The following MAP3K4 variants were observed in gnomAD, a reference collection of about 807,000 sequenced individuals.
MAP3K4 encodes MAP three kinase 1.
MAP3K4 carries 67 observed loss-of-function variants against 185.6 expected under a neutral mutation model. The ratio of observed to expected loss-of-function variants is 0.36; its 90% CI spans 0.30 to 0.44. The LOEUF (loss-of-function observed/expected upper bound fraction) is 0.44, where lower values mean the gene tolerates loss of function less well. Ranked by LOEUF, MAP3K4 falls within the 20% of genes least tolerant of loss-of-function variation. The probability of loss-of-function intolerance (pLI) is 1.00; values close to 1 mark genes in which losing one functional copy is unlikely to be tolerated. For missense variants in MAP3K4, 1,551 were observed against 1,995.1 expected, an observed-to-expected ratio of 0.78 and a Z score of 4.24; for synonymous variants, 702 against 710.4, an observed-to-expected ratio of 0.99 and a Z score of 0.19.
At chr6:161,065,201 C>T (rs1215832754) in intron 3 of MAP3K4, among the ~76,000 whole-genome samples, 1 of 152,178 alleles carries the variant, frequency 6.6e-6, no homozygotes, top group Non-Finnish European at 1.5e-5. Flanking sequence ...GGTGACAGAG[C>T]CCTGCTTCTG....
intron 1 of MAP3K4, 22 bp downstream of exon 1, chr6:160,992,105 G>A (rs929719037): frequency 1.3e-6 from 2 of 1,532,056 alleles, no homozygotes; most frequent in Non-Finnish European, 8.7e-7. Flanking sequence ...GGCCGCAGTC[G>A]GTCGCTCGCA....
chr6:161,080,168 G>GT lies in MAP3K4; in HGVS notation c.2098-712dup, dbSNP rs778101727. On this transcript the variant is annotated intron_variant, in intron 5 of 26. Transcript: ENST00000392142. This position sits in a 1 kb window ranked among gnomAD's most constrained non-coding sequence, Gnocchi z 4.8. The stretch of plus-strand genomic sequence containing the variant: ...GTGTGACTCAAATATCTCCTACCCC[G>GT]TCAAGCTATTCTTTTAAGTAAAGGA... Among the ~76,000 whole-genome samples the GT allele has an allele frequency of 1.3e-5, 2 of 152,140 alleles. No individual in the cohort carries two copies. The highest frequency in any genetic ancestry group is 2.4e-5 in the African/African-American group (1 of 41,428).
rs1369818678 is a variant in MAP3K4, at chr6:161,049,228, G to A, written c.956G>A (p.Gly319Asp). The A allele has an allele frequency of 6.2e-7, 1 of 1,614,110 alleles. No homozygotes were observed. Among genetic ancestry groups the A allele is most frequent in the Admixed American group, 1.7e-5 (1 of 60,020 alleles). The change falls in exon 3 of 27, where the codon GGT becomes GAT. Residue 319 changes from glycine (G) to aspartate (D), a missense_variant. Around this residue, in one of 16 missense-constraint regions of MAP3K4, gnomAD observed 93 missense variants for 96.7 expected, o/e 0.96. Transcript: ENST00000392142. This position sits in a 1 kb window ranked among gnomAD's most constrained non-coding sequence, Gnocchi z 8.4. ...GTTAGAGATAGAGCTGGTTTTAATG[G>A]TACTTCAGTAGAAGGGCAGTGCAAA... ...AFVRDRAGFNGTSVEGQCKAT... is the reference protein window; with the variant it reads ...AFVRDRAGFNDTSVEGQCKAT...
Position 161,114,195 on chromosome 6 carries a change from T to A in MAP3K4, c.4627-928T>A, listed in dbSNP as rs1276890785. 6.6e-6 allele frequency among the ~76,000 whole-genome samples: 1 copy of A among 152,218 alleles called. No homozygotes were observed. The highest frequency in any genetic ancestry group is 6.5e-5 in the Admixed American group (1 of 15,286). On this transcript the variant is annotated intron_variant, in intron 25 of 26. Transcript: ENST00000392142. This position sits in a 1 kb window ranked among gnomAD's most constrained non-coding sequence, Gnocchi z 4.3. The stretch of plus-strand genomic sequence containing the variant: ...CCAATCTCTATCAAAATTTTAAATG[T>A]GCATAGCACTTAAACCAAGAAGTTT...
intron 1 of MAP3K4, among the ~76,000 whole-genome samples, chr6:161,032,726 C>G (rs1782988077): frequency 6.6e-6 from 1 of 152,158 alleles, no homozygotes; most frequent in Non-Finnish European, 1.5e-5. Flanking sequence ...TAAGAAATTT[C>G]AAGTTAATCT....
chr6:161,093,116 G>T lies in MAP3K4; in HGVS notation c.3348+60G>T. On this transcript the variant is annotated intron_variant, in intron 14 of 26. Coordinates refer to ENST00000392142, the MANE Select transcript of MAP3K4 (RefSeq NM_005922.4). This position sits in a 1 kb window ranked among gnomAD's most constrained non-coding sequence, Gnocchi z 5.2. ...ATAAGCCAGTCACTCCTTATTTTCT[G>T]GTTGTATATGTTTTATATGTAATAG... is the stretch of plus-strand genomic sequence containing the variant. 2 of 1,141,780 alleles carry T rather than the reference G, an allele frequency of 1.8e-6. No individual in the cohort carries two copies. The highest frequency in any genetic ancestry group is 2.4e-5 in the East Asian group (1 of 42,072). 70.7% of individuals were successfully genotyped at this position (1,141,780 alleles called of 1,614,324 possible).
chr6:161,106,485 G>A lies in MAP3K4; in HGVS notation c.3857-29G>A. 6.5e-7 allele frequency: 1 copy of A among 1,539,556 alleles called. No homozygotes were observed. The highest frequency in any genetic ancestry group is 2.3e-5 in the East Asian group (1 of 44,430). On this transcript the variant is annotated intron_variant, in intron 19 of 26. Coordinates refer to ENST00000392142, the MANE Select transcript of MAP3K4 (RefSeq NM_005922.4). The surrounding 1 kb of genome is among the most constrained non-coding windows in gnomAD (Gnocchi z 4.9). Reference sequence around the variant, plus strand: ...AAACTGACTTGATAACAGTGATTGGGACTAATGAGGTTTTGGTTCTCTCTG... The same window carrying A: ...AAACTGACTTGATAACAGTGATTGGAACTAATGAGGTTTTGGTTCTCTCTG...
chr6:161,034,344 C>G lies in MAP3K4; in HGVS notation c.238C>G (p.Leu80Val). Reference sequence around the variant, plus strand: ...CTCCGATGAAACAAATACAGAGAATCTTTATGGTACCTCTCCCCCCAGCAC... The same window carrying G: ...CTCCGATGAAACAAATACAGAGAATGTTTATGGTACCTCTCCCCCCAGCAC... ...DFSDETNTEN[L>V]YGTSPPSTPR... Residue 80 changes from leucine to valine, a missense_variant, in exon 2 of 27, where the codon CTT becomes GTT. Leu to Val is a conservative substitution (Grantham distance 32, BLOSUM62 1). Around this residue, in one of 16 missense-constraint regions of MAP3K4, gnomAD observed 287 missense variants for 268.8 expected, o/e 1.07. Transcript: ENST00000392142. The surrounding 1 kb of genome is among the most constrained non-coding windows in gnomAD (Gnocchi z 4.4). 1 of 1,613,912 alleles carries G rather than the reference C, an allele frequency of 6.2e-7. No individual in the cohort carries two copies.
chr6:161,032,974 A>G (rs1041089851), intron 1 of MAP3K4, among the ~76,000 whole-genome samples: 3 of 152,176 alleles, frequency 2.0e-5, no homozygotes, highest in African/African-American at 7.2e-5. Context: ...CCTATTAGGG[A>G]TCTTTTGTAG....
In MAP3K4 at chr6:161,093,076, T is replaced by C. The variant is rs1481232325; in HGVS notation, c.3348+20T>C. ...TTCTTGGTATGGATTATTCTAAAGTTTTTTTCATTATAAAATAAGCCAGTC... is the reference window on the plus strand; with the variant it reads ...TTCTTGGTATGGATTATTCTAAAGTCTTTTTCATTATAAAATAAGCCAGTC... On this transcript the variant is annotated intron_variant, in intron 14 of 26. Transcript: ENST00000392142. The surrounding 1 kb of genome is among the most constrained non-coding windows in gnomAD (Gnocchi z 5.2). The C allele has an allele frequency of 1.3e-6, 2 of 1,550,612 alleles. No homozygotes were observed. Among genetic ancestry groups the C allele is most frequent in the Non-Finnish European group, 1.8e-6 (2 of 1,127,530 alleles).
rs757881893 is a variant in MAP3K4 at position 161,034,282 on chromosome 6, C to T, written c.176C>T (p.Ser59Leu). Residue 59 changes from serine (S) to leucine (L), a missense_variant, in exon 2 of 27, where the codon TCA becomes TTA. Around this residue, in one of 16 missense-constraint regions of MAP3K4, gnomAD observed 287 missense variants for 268.8 expected, o/e 1.07. Transcript: ENST00000392142. The surrounding 1 kb of genome is among the most constrained non-coding windows in gnomAD (Gnocchi z 4.4). Reference protein sequence around the residue: ...AARQEGTLGDSACKSPESDLE... With the variant: ...AARQEGTLGDLACKSPESDLE... ...AGGCAAGAGGGCACATTGGGAGATT[C>T]AGCTTGCAAGAGTCCTGAATCTGAT... The T allele has an allele frequency of 1.4e-5, 22 of 1,613,418 alleles. No homozygotes were observed. Among genetic ancestry groups the T allele is most frequent in the Non-Finnish European group, 1.6e-5 (19 of 1,179,684 alleles).
chr6:161,049,585 A>G lies in MAP3K4; in HGVS notation c.1313A>G (p.Asn438Ser). The G allele has an allele frequency of 6.2e-7, 1 of 1,614,192 alleles. No homozygotes were observed. Among genetic ancestry groups the G allele is most frequent in the Non-Finnish European group, 8.5e-7 (1 of 1,180,032 alleles). ...EIPSPRPSKG[N>S]EPEYEGDDTE... ...CCTTCCCCTCGACCATCCAAAGGTA[A>G]TGAGCCGGAGTATGAGGGTGATGAC... Residue 438 changes from asparagine to serine, a missense_variant, in exon 3 of 27, where the codon AAT becomes AGT. By Grantham distance (46) the Asn-to-Ser change is conservative. Coordinates refer to ENST00000392142, the MANE Select transcript of MAP3K4 (RefSeq NM_005922.4). The surrounding 1 kb of genome is among the most constrained non-coding windows in gnomAD (Gnocchi z 8.4).
At chr6:160,993,424 T>G (rs575955248) in intron 1 of MAP3K4, among the ~76,000 whole-genome samples, 1 of 152,330 alleles carries the variant, frequency 6.6e-6, no homozygotes, top group East Asian at 1.9e-4. Context: ...TTATTTCTAT[T>G]AACCCATTTA....
Position 161,067,482 on chromosome 6 carries a change from A to G in MAP3K4, c.1708-3126A>G, listed in dbSNP as rs185629331. ...TTGTTTTCCTTTCACAACCCTGACC[A>G]CATTTATTACAAGTAATTATTTTAG... On this transcript the variant is annotated intron_variant, in intron 3 of 26. Coordinates refer to ENST00000392142, the MANE Select transcript of MAP3K4 (RefSeq NM_005922.4). This position sits in a 1 kb window ranked among gnomAD's most constrained non-coding sequence, Gnocchi z 6.3. Among the ~76,000 whole-genome samples the G allele has an allele frequency of 1.3e-5, 2 of 152,318 alleles. No homozygotes were observed. The highest frequency in any genetic ancestry group is 3.9e-4 in the East Asian group (2 of 5,180).
chr6:161,084,534 A>C lies in MAP3K4; in HGVS notation c.2289A>C (p.Gly763=), dbSNP rs755979450. 9 of 1,605,396 alleles carry C rather than the reference A, an allele frequency of 5.6e-6. No individual in the cohort carries two copies. In the East Asian group the frequency reaches 2.0e-4, roughly 36 times the overall value. The change falls in exon 7 of 27, where the codon GGA becomes GGC. Residue 763 remains glycine, a synonymous_variant. Coordinates refer to ENST00000392142, the MANE Select transcript of MAP3K4 (RefSeq NM_005922.4). The surrounding 1 kb of genome is among the most constrained non-coding windows in gnomAD (Gnocchi z 4.6). ...DIAGMLLKST[G]SFLEFGLQES... is the part of the protein sequence containing the mutation. Reference sequence around the variant, plus strand: ...CAGGAATGCTGCTGAAATCTACAGGAAGTTTTTTAGAATTTGGCTTACAGG... The same window carrying C: ...CAGGAATGCTGCTGAAATCTACAGGCAGTTTTTTAGAATTTGGCTTACAGG...
chr6:161,059,828 T>A (rs555093814), intron 3 of MAP3K4, among the ~76,000 whole-genome samples: 72 of 151,398 alleles, frequency 4.8e-4, no homozygotes, highest in African/African-American at 1.7e-3. Flanking sequence ...TTCATTATAT[T>A]TCTAAAGTGT....
chr6:161,096,843 T>C lies in MAP3K4; in HGVS notation c.3428-237T>C. The C allele has an allele frequency of 2.4e-6, 1 of 417,000 alleles. No homozygotes were observed. The highest frequency in any genetic ancestry group is 6.5e-4 in the Middle Eastern group (1 of 1,548). 25.8% of individuals were successfully genotyped at this position (417,000 alleles called of 1,614,324 possible). A position where few individuals can be genotyped will look rare whatever the true frequency, so the allele number is the denominator to read the frequency against. ...TATGTATGTTTTACTCCAGGATTTT[T>C]AAAAATGTTTTTTGATGGAGAAAAC... On this transcript the variant is annotated intron_variant, in intron 15 of 26. Transcript: ENST00000392142. The surrounding 1 kb of genome is among the most constrained non-coding windows in gnomAD (Gnocchi z 4.9).
At chr6:161,010,147 C>A (rs1286685160) in intron 1 of MAP3K4, among the ~76,000 whole-genome samples, 1 of 152,136 alleles carries the variant, frequency 6.6e-6, no homozygotes, top group African/African-American at 2.4e-5. Flanking sequence ...ATTCATGTAT[C>A]CTCTTGACTG....
intron 1 of MAP3K4, among the ~76,000 whole-genome samples, chr6:160,995,069 TAA>T (rs1780929450): frequency 6.6e-6 from 1 of 152,234 alleles, no homozygotes; most frequent in South Asian, 2.1e-4. Context: ...CAGCAGTGTA[TAA>T]GAGTTCCCTT....
Sources: gnomAD v4.1 joint callset for allele counts (sites outside exome capture counted in the v4.1 genomes callset) on GRCh38, gnomAD v4.1.1 for gene constraint, gnomAD v4.1.1 regional missense constraint, Gnocchi (gnomAD v3.1) non-coding constraint, MANE v1.5 for transcripts, NCBI Gene and HGNC (gene_info 2026-07-23, HGNC 2026-07-21) for gene names.